Variants in KHDRBS3 observed in about 807,000 individuals in gnomAD.
KHDRBS3 encodes the protein KH RNA binding domain containing, signal transduction associated 3.
KHDRBS3 carries 23 observed loss-of-function variants against 45.6 expected under a neutral mutation model. The ratio of observed to expected loss-of-function variants is 0.50; its 90% confidence interval spans 0.36 to 0.72. The LOEUF (loss-of-function observed/expected upper bound fraction) is 0.72, where lower values mean the gene tolerates loss of function less well. Among genes scored for constraint, KHDRBS3 ranks in the 30% least tolerant of loss-of-function variants. The pLI is 0.00. For synonymous variants in KHDRBS3, 162 were observed against 156.5 expected, an observed-to-expected ratio of 1.04 and a Z score of -0.26; for missense variants, 352 against 424.8, an observed-to-expected ratio of 0.83 and a Z score of 1.51.
At chr8:135,573,334 A>G (rs976539314) in intron 5 of KHDRBS3, among the ~76,000 whole-genome samples, 1 of 152,258 alleles carries the variant, frequency 6.6e-6, no homozygotes, top group Admixed American at 6.5e-5. Context: ...TTATCAGACC[A>G]CATTGCTGTT....
chr8:135,600,435 G>A (rs1380194931), intron 6 of KHDRBS3, among the ~76,000 whole-genome samples: 2 of 152,178 alleles, frequency 1.3e-5, no homozygotes, highest in East Asian at 3.9e-4. Flanking sequence ...ATGGGTGTGA[G>A]ATAGATTTAG....
intron 2 of KHDRBS3, among the ~76,000 whole-genome samples, chr8:135,532,547 T>C (rs1171730907): frequency 6.6e-6 from 1 of 152,172 alleles, no homozygotes; most frequent in African/African-American, 2.4e-5. Flanking sequence ...TGTAGACTTC[T>C]GTTATGTGTG....
intron 7 of KHDRBS3, among the ~76,000 whole-genome samples, chr8:135,608,959 C>T (rs1829588991): frequency 6.6e-6 from 1 of 152,144 alleles, no homozygotes; most frequent in Non-Finnish European, 1.5e-5. Context: ...AGGTCACTTA[C>T]CATGAATGCA....
chr8:135,575,997 G>C (rs1008437438), intron 5 of KHDRBS3, among the ~76,000 whole-genome samples: 1 of 152,082 alleles, frequency 6.6e-6, no homozygotes, highest in Non-Finnish European at 1.5e-5. Flanking sequence ...TGTTTGTTTT[G>C]ATGATCTTAA....
At chr8:135,518,055 C>G (rs1213295779) in intron 1 of KHDRBS3, among the ~76,000 whole-genome samples, 1 of 152,108 alleles carries the variant, frequency 6.6e-6, no homozygotes, top group Non-Finnish European at 1.5e-5. Flanking sequence ...TTTCTTACGA[C>G]AAAATGTTAA....
In KHDRBS3 at chr8:135,463,367, A is replaced by G. The variant is rs572588570; in HGVS notation, c.88+5413A>G. The stretch of plus-strand genomic sequence containing the variant: ...TAGAGGACCTGAATTGGAGGTGGGG[A>G]TGAAGTCAACAGTTCTGCCCATATC... On this transcript the variant is annotated intron_variant, in intron 1 of 8. Coordinates refer to ENST00000355849, the MANE Select transcript of KHDRBS3 (RefSeq NM_006558.3). 2.0e-5 allele frequency among the ~76,000 whole-genome samples: 3 copies of G among 152,214 alleles called. No individual in the cohort carries two copies. The East Asian group carries it at 5.8e-4, about 30-fold the overall frequency.
intron 1 of KHDRBS3, among the ~76,000 whole-genome samples, chr8:135,485,177 ACT>A (rs1822791295): frequency 8.3e-6 from 1 of 121,116 alleles, no homozygotes; most frequent in Non-Finnish European, 1.7e-5. Context: ...TACAATATCA[ACT>A]CTGTGTAAAC....
chr8:135,609,845 G>A (rs1394821565), intron 7 of KHDRBS3, among the ~76,000 whole-genome samples: 1 of 151,736 alleles, frequency 6.6e-6, no homozygotes, highest in Non-Finnish European at 1.5e-5. Context: ...ATATAGTGAT[G>A]TTTATGGTTC....
In KHDRBS3 at chr8:135,457,457, G is replaced by T; in HGVS notation, c.-410G>T. On this transcript the variant is annotated 5_prime_UTR_variant, in exon 1 of 9. Transcript: ENST00000355849. This position sits in a 1 kb window ranked among gnomAD's most constrained non-coding sequence, Gnocchi z 4.4. ...GCTGGGCGCTCGGCGCGGTGGCTCAGAGTGCGCGGGGCGGCGCGCGGCGTG... is the reference window on the plus strand; with the variant it reads ...GCTGGGCGCTCGGCGCGGTGGCTCATAGTGCGCGGGGCGGCGCGCGGCGTG... 6.8e-6 allele frequency: 1 copy of T among 147,162 alleles called. No individual in the cohort carries two copies. Among genetic ancestry groups the T allele is most frequent in the South Asian group, 1.9e-4 (1 of 5,314 alleles). The allele number at this position is 147,162 out of a possible 1,614,324, so 9.1% of individuals were successfully genotyped here.
intron 6 of KHDRBS3, among the ~76,000 whole-genome samples, chr8:135,603,254 G>C (rs1254288367): frequency 6.6e-6 from 1 of 152,166 alleles, no homozygotes; most frequent in Non-Finnish European, 1.5e-5. Flanking sequence ...TCCAACCATG[G>C]TGTCTAGCAG....
intron 7 of KHDRBS3, among the ~76,000 whole-genome samples, chr8:135,633,750 A>G (rs989753237): frequency 2.0e-5 from 3 of 152,228 alleles, no homozygotes; most frequent in Non-Finnish European, 2.9e-5. Flanking sequence ...GATTCACAGC[A>G]ACATTGAGAG....
intron 1 of KHDRBS3, among the ~76,000 whole-genome samples, chr8:135,473,499 G>A (rs1337947302): frequency 1.3e-5 from 2 of 152,084 alleles, no homozygotes; most frequent in African/African-American, 2.4e-5. Flanking sequence ...GGATATGTGT[G>A]GAGTGCAGAG....
intron 6 of KHDRBS3, among the ~76,000 whole-genome samples, chr8:135,605,743 C>A (rs1267637695): frequency 6.6e-6 from 1 of 152,084 alleles, no homozygotes; most frequent in East Asian, 1.9e-4. Context: ...GTAAGTGAAC[C>A]CACACAATTC....
intron 1 of KHDRBS3, among the ~76,000 whole-genome samples, chr8:135,474,486 G>A (rs1362943751): frequency 1.3e-5 from 2 of 152,100 alleles, no homozygotes; most frequent in Admixed American, 6.5e-5. Flanking sequence ...TGTGCTATGC[G>A]TTATCTCTTA....
intron 5 of KHDRBS3, among the ~76,000 whole-genome samples, chr8:135,558,850 A>G (rs1827025887): frequency 6.6e-6 from 1 of 152,060 alleles, no homozygotes; most frequent in African/African-American, 2.4e-5. Flanking sequence ...CAAAATCACT[A>G]TCACTAGGCC....
chr8:135,497,891 A>G (rs1823538469), intron 1 of KHDRBS3, among the ~76,000 whole-genome samples: 1 of 152,190 alleles, frequency 6.6e-6, no homozygotes, highest in Non-Finnish European at 1.5e-5. Context: ...TGACTTCTCA[A>G]AAATACATTC....
chr8:135,546,933 A>G (rs1826335396), intron 3 of KHDRBS3, among the ~76,000 whole-genome samples: 1 of 152,168 alleles, frequency 6.6e-6, no homozygotes, highest in South Asian at 2.1e-4. Flanking sequence ...GTCCAGCTTA[A>G]GTTTGTGATA....
intron 1 of KHDRBS3, among the ~76,000 whole-genome samples, chr8:135,510,035 A>T (rs1219700404): frequency 7.1e-6 from 1 of 140,462 alleles, no homozygotes; most frequent in Admixed American, 7.6e-5. Context: ...GCTGGAGCGC[A>T]GTAGTGCAGG....
At chr8:135,649,477 G>GT (rs1034070395), downstream of KHDRBS3, among the ~76,000 whole-genome samples, 1 of 152,098 alleles carries the variant, frequency 6.6e-6, no homozygotes, top group African/African-American at 2.4e-5. Flanking sequence ...TGTGAGCTTG[G>GT]TTTTTTCCCT....
Sources: allele counts gnomAD v4.1 joint callset (sites outside exome capture counted in the v4.1 genomes callset), GRCh38; gene constraint gnomAD v4.1.1; non-coding constraint Gnocchi (gnomAD v3.1); transcripts MANE v1.5; gene names NCBI Gene and HGNC (gene_info 2026-07-23, HGNC 2026-07-21).